The following COL6A6 variants were observed in gnomAD, a reference collection of about 807,000 sequenced individuals.
COL6A6 encodes the protein collagen type VI alpha 6 chain.
In COL6A6, 183 loss-of-function variants were observed where a neutral mutation model predicts 208.6. That is an observed-to-expected ratio of 0.88 (90% CI 0.78 to 0.99). The LOEUF (loss-of-function observed/expected upper bound fraction) is 0.99. Ranked by LOEUF, COL6A6 falls within the 50% of genes least tolerant of loss-of-function variation. The probability of loss-of-function intolerance (pLI) is 0.00; values close to 1 mark genes in which losing one functional copy is unlikely to be tolerated. For synonymous variants in COL6A6, 973 were observed against 1,011.8 expected, an observed-to-expected ratio of 0.96 and a Z score of 0.73; for missense variants, 2,816 against 2,815.2, an observed-to-expected ratio of 1.00 and a Z score of -0.01.
Position 130,567,048 on chromosome 3 carries a change from C to T in COL6A6, c.1629C>T (p.Val543=). 1 of 1,614,036 alleles carries T rather than the reference C, an allele frequency of 6.2e-7. No individual in the cohort carries two copies. The highest frequency in any genetic ancestry group is 8.5e-7 in the Non-Finnish European group (1 of 1,179,896). The change falls in exon 5 of 37, where the codon GTC becomes GTT. Residue 543 remains valine (V), a synonymous_variant. Transcript: ENST00000358511. ...RGNKVPCHLV[V]LTNGMSKDSI... ...ACAAAGTTCCATGCCACCTTGTTGT[C>T]CTGACAAATGGCATGTCCAAGGATA...
At chr3:130,622,171 TTCC>T (rs759189200) in intron 24 of COL6A6, among the ~76,000 whole-genome samples, 1 of 151,580 alleles carries the variant, frequency 6.6e-6, no homozygotes. Context: ...CCTTTCTCTC[TTCC>T]AATCTCTCTT....
Position 130,563,581 on chromosome 3 carries a change from G to A in COL6A6, c.578G>A (p.Ser193Asn). 5 of 1,613,994 alleles carry A rather than the reference G, an allele frequency of 3.1e-6. No individual in the cohort carries two copies. Among genetic ancestry groups the A allele is most frequent in the Non-Finnish European group, 3.4e-6 (4 of 1,179,890 alleles). ...AACCTTCGGACAGTCAGAGACCTCA[G>A]CATGTTTTCCCAAAACATGACACAC... The part of the protein sequence containing the change: ...HFNLRTVRDL[S>N]MFSQNMTHII... The change falls in exon 3 of 37, where the codon AGC (serine) becomes AAC (asparagine). Residue 193 changes from serine (S) to asparagine (N), a missense_variant. Coordinates refer to ENST00000358511, the MANE Select transcript of COL6A6 (RefSeq NM_001102608.3).
At chr3:130,605,279 T>C (rs745480958) in intron 20 of COL6A6, among the ~76,000 whole-genome samples, 9 of 152,118 alleles carry the variant, frequency 5.9e-5, no homozygotes, top group Non-Finnish European at 1.2e-4. Context: ...TTTCCCCTTT[T>C]TTATGGCATT....
chr3:130,570,723 G>C (rs1206636487), intron 6 of COL6A6, 95 bp from the exon 7 acceptor site: 3 of 893,640 alleles, frequency 3.4e-6, no homozygotes, highest in African/African-American at 1.7e-5. Flanking sequence ...GATCCCCTTG[G>C]AGAGAAAACA....
At chr3:130,521,108 AAC>A (rs1711045031) in intron 1 of COL6A6, among the ~76,000 whole-genome samples, 1 of 152,212 alleles carries the variant, frequency 6.6e-6, no homozygotes, top group Admixed American at 6.5e-5. Context: ...TAAGGATGTG[AAC>A]ATTGATTTGA....
chr3:130,608,495 TTTAA>T (rs1214766821), intron 21 of COL6A6, among the ~76,000 whole-genome samples: 1 of 152,066 alleles, frequency 6.6e-6, no homozygotes, highest in Non-Finnish European at 1.5e-5. Flanking sequence ...TCCCTAGATA[TTTAA>T]TTGATTTGAA....
At chr3:130,542,829 A>G (rs978049794) in intron 1 of COL6A6, among the ~76,000 whole-genome samples, 2 of 151,010 alleles carry the variant, frequency 1.3e-5, no homozygotes, top group Non-Finnish European at 2.9e-5. Context: ...TCTGTCTGAA[A>G]TTAATATAGC....
In COL6A6 at chr3:130,567,207, T is replaced by C. The variant is rs761893114; in HGVS notation, c.1788T>C (p.Phe596=). ...AGAGAGTGTATTACGTGCATGACTT[T>C]GATGCATTGAAAGACATAAGAAACC... ...EEKRVYYVHD[F]DALKDIRNQV... is the part of the protein sequence containing the mutation. Residue 596 remains phenylalanine, a synonymous_variant, in exon 5 of 37, where the codon TTT becomes TTC. Transcript: ENST00000358511. 1.9e-6 allele frequency: 3 copies of C among 1,613,170 alleles called. No homozygotes were observed. The African/African-American group carries it at 4.0e-5, about 22-fold the overall frequency.
At chr3:130,613,028 T>C (rs1052759207) in intron 23 of COL6A6, among the ~76,000 whole-genome samples, 3 of 152,182 alleles carry the variant, frequency 2.0e-5, no homozygotes, top group Non-Finnish European at 4.4e-5. Flanking sequence ...TTAGCTTAAT[T>C]GGGTCTGTCA....
chr3:130,524,164 G>A (rs2061906882), intron 1 of COL6A6, among the ~76,000 whole-genome samples: 1 of 152,192 alleles, frequency 6.6e-6, no homozygotes, highest in Non-Finnish European at 1.5e-5. Context: ...AAGTTCCTCA[G>A]CTTGCACTGG....
intron 23 of COL6A6, among the ~76,000 whole-genome samples, chr3:130,614,588 C>A (rs1218660676): frequency 1.3e-5 from 2 of 152,162 alleles, no homozygotes; most frequent in Admixed American, 1.3e-4. Context: ...GGAATGATAT[C>A]AGCTCTTCTT....
intron 33 of COL6A6, among the ~76,000 whole-genome samples, chr3:130,650,966 C>T (rs2065625477): frequency 6.6e-6 from 1 of 152,134 alleles, no homozygotes; most frequent in African/African-American, 2.4e-5. Flanking sequence ...GAGGCCATTT[C>T]CACTGTTCTA....
chr3:130,520,927 A>C (rs1210018117), intron 1 of COL6A6, among the ~76,000 whole-genome samples: 1 of 152,210 alleles, frequency 6.6e-6, no homozygotes, highest in Admixed American at 6.5e-5. Flanking sequence ...TACTCATTTA[A>C]TTTTGGAATG....
At chr3:130,590,299 ATTTTTTTTTTTTT>A (rs71133610) in intron 12 of COL6A6, among the ~76,000 whole-genome samples, 49 of 9,168 alleles carry the variant, frequency 5.3e-3, no homozygotes, top group East Asian at 0.01. Context: ...ATATATATAT[ATTTTTTTTTTTTT>A]TTTTTTTTTT....
intron 1 of COL6A6, among the ~76,000 whole-genome samples, chr3:130,522,604 G>T (rs773522578): frequency 3.3e-5 from 5 of 152,014 alleles, no homozygotes; most frequent in African/African-American, 7.2e-5. Context: ...ATATCTAACT[G>T]CCCACAAGGC....
chr3:130,565,438 G>A lies in COL6A6; in HGVS notation c.1106G>A (p.Gly369Asp), dbSNP rs2062995418. ...ACCATCTTCACCCTGGGCATAGAGG[G>A]CGCCAGCGACACCCAGTTGGAAAAG... ...GVTIFTLGIEGASDTQLEKIA... is the reference protein window; with the variant it reads ...GVTIFTLGIEDASDTQLEKIA... Residue 369 changes from glycine to aspartate, a missense_variant, in exon 4 of 37, where the codon GGC becomes GAC. Gly to Asp is a moderately conservative substitution (Grantham distance 94). Transcript: ENST00000358511. 34 of 1,613,828 alleles carry A rather than the reference G, an allele frequency of 2.1e-5. No individual in the cohort carries two copies. The highest frequency in any genetic ancestry group is 2.5e-5 in the Non-Finnish European group (29 of 1,179,814).
chr3:130,657,574 AAAC>A (rs60476470), intron 33 of COL6A6, among the ~76,000 whole-genome samples: 5,755 of 152,096 alleles, frequency 0.038, 368 homozygotes, highest in African/African-American at 0.13. Context: ...TATTTGTTTA[AAAC>A]AACAACAACA....
At chr3:130,669,389 T>C (rs2066155212) in intron 36 of COL6A6, among the ~76,000 whole-genome samples, 1 of 151,624 alleles carries the variant, frequency 6.6e-6, no homozygotes, top group Non-Finnish European at 1.5e-5. Context: ...TGAGACTCTG[T>C]CTCAAAAAAA....
At chr3:130,543,151 A>C (rs1171543588) in intron 1 of COL6A6, among the ~76,000 whole-genome samples, 1 of 151,878 alleles carries the variant, frequency 6.6e-6, no homozygotes, top group Non-Finnish European at 1.5e-5. Flanking sequence ...TGATCTGCCC[A>C]CCTCGGCCTC....
Sources: allele counts gnomAD v4.1 joint callset (sites outside exome capture counted in the v4.1 genomes callset), GRCh38; gene constraint gnomAD v4.1.1; transcripts MANE v1.5; gene names NCBI Gene and HGNC (gene_info 2026-07-23, HGNC 2026-07-21).